Variants in PCSK6 observed in about 807,000 individuals in gnomAD.
PCSK6 encodes paired basic amino acid cleaving enzyme 4.
A neutral mutation model predicts 123.3 loss-of-function variants in PCSK6; 85 were observed. The ratio of observed to expected loss-of-function variants is 0.69; its 90% confidence interval spans 0.58 to 0.83. The LOEUF is 0.83. Ranked by LOEUF, PCSK6 falls within the 40% of genes least tolerant of loss-of-function variation. The probability of loss-of-function intolerance (pLI) is 0.00; values close to 1 mark genes in which losing one functional copy is unlikely to be tolerated. For synonymous variants in PCSK6, 508 were observed against 516.0 expected, an observed-to-expected ratio of 0.98 and a Z score of 0.21; for missense variants, 1,191 against 1,282.3, an observed-to-expected ratio of 0.93 and a Z score of 1.09.
chr15:101,420,508 A>C (rs1390213661), intron 6 of PCSK6, among the ~76,000 whole-genome samples: 1 of 151,262 alleles, frequency 6.6e-6, no homozygotes, highest in African/African-American at 2.4e-5. Flanking sequence ...CTACAAGCAC[A>C]TGCCACCATG....
At position 101,324,939 on chromosome 15, in the gene PCSK6, T is replaced by C. The variant is rs2040213905; in HGVS notation, c.2288A>G (p.Gln763Arg). 2 of 1,613,452 alleles carry C rather than the reference T, an allele frequency of 1.2e-6. No homozygotes were observed. The highest frequency in any genetic ancestry group is 8.5e-7 in the Non-Finnish European group (1 of 1,179,878). Residue 763 changes from glutamine to arginine, a missense_variant, in exon 17 of 22, where the codon CAG (glutamine) becomes CGG (arginine). Coordinates refer to ENST00000611716, the MANE Select transcript of PCSK6 (RefSeq NM_002570.5). ...CETCSSRAATQCLSCRRGFYH... is the reference protein window; with the variant it reads ...CETCSSRAATRCLSCRRGFYH... ...GAACCCGCGGCGGCAAGACAGGCAC[T>C]GCGTCGCAGCTCTGCTGGAGCAGGT...
intron 13 of PCSK6, among the ~76,000 whole-genome samples, chr15:101,348,885 G>A (rs1218561321): frequency 1.3e-5 from 2 of 152,148 alleles, no homozygotes; most frequent in African/African-American, 4.8e-5. Flanking sequence ...CAGTGTCTGC[G>A]GCAGCCTGGT....
chr15:101,366,754 G>A (rs900136608), intron 12 of PCSK6, among the ~76,000 whole-genome samples: 2 of 152,190 alleles, frequency 1.3e-5, no homozygotes, highest in African/African-American at 2.4e-5. Flanking sequence ...AGACAGGGGC[G>A]GGGGTCCCCC....
At chr15:101,412,707 ATATAT>A (rs200042293) in intron 6 of PCSK6, among the ~76,000 whole-genome samples, 2,910 of 144,522 alleles carry the variant, frequency 0.02, 194 homozygotes, top group African/African-American at 0.069. Flanking sequence ...ATATATATAT[ATATAT>A]AAAATTACCC....
At chr15:101,369,061 G>A (rs2041494591) in intron 12 of PCSK6, among the ~76,000 whole-genome samples, 2 of 152,100 alleles carry the variant, frequency 1.3e-5, no homozygotes. Context: ...TGTGGGATGG[G>A]CTGAGCTTGG....
In PCSK6 at chr15:101,398,253, G is replaced by A. The variant is rs1447475365; in HGVS notation, c.996+151C>T. 1.5e-5 allele frequency: 14 copies of A among 920,170 alleles called. No individual in the cohort carries two copies. Among genetic ancestry groups the A allele is most frequent in the Admixed American group, 2.5e-5 (1 of 39,410 alleles). 57.0% of individuals were successfully genotyped at this position (920,170 alleles called of 1,614,324 possible). Reference sequence around the variant, plus strand: ...AAGAGCCACTTCTCAGACTCCCCGAGTGACTCCTCCACACTGGCCCTGGCA... The same window carrying A: ...AAGAGCCACTTCTCAGACTCCCCGAATGACTCCTCCACACTGGCCCTGGCA... On this transcript the variant is annotated intron_variant, in intron 7 of 21. Transcript: ENST00000611716. The surrounding 1 kb of genome is among the most constrained non-coding windows in gnomAD (Gnocchi z 4.6).
At chr15:101,465,479 C>T (rs1377763473) in intron 1 of PCSK6, among the ~76,000 whole-genome samples, 1 of 152,200 alleles carries the variant, frequency 6.6e-6, no homozygotes. Flanking sequence ...TGTGCGGACA[C>T]ACCCAGGAAC....
Position 101,326,472 on chromosome 15 carries a change from G to A in PCSK6, c.2085C>T (p.Cys695=). Reference sequence around the variant, plus strand: ...AGCCTTTGTCACCACACTCCGGATGGCACACACCTTAAAGAAACAAGCATT... The same window carrying A: ...AGCCTTTGTCACCACACTCCGGATGACACACACCTTAAAGAAACAAGCATT... ...GSANILQTSV[C]HPECGDKGCD... The change falls in exon 16 of 22, where the codon TGC becomes TGT. Residue 695 remains cysteine, a synonymous_variant. Coordinates refer to ENST00000611716, the MANE Select transcript of PCSK6 (RefSeq NM_002570.5). 2 of 1,577,952 alleles carry A rather than the reference G, an allele frequency of 1.3e-6. No homozygotes were observed. Among genetic ancestry groups the A allele is most frequent in the Admixed American group, 1.8e-5 (1 of 54,862 alleles).
intron 13 of PCSK6, among the ~76,000 whole-genome samples, chr15:101,342,129 CAAAAAAAAAAAAAAAAA>C (rs35083182): frequency 1.9e-5 from 1 of 51,512 alleles, no homozygotes. Context: ...GACCCTGTCT[CAAAAAAAAAAAAAAAAA>C]AAAAAAAGAA....
At position 101,431,409 on chromosome 15, in the gene PCSK6, A is replaced by G; in HGVS notation, c.568T>C (p.Trp190Arg). The change falls in exon 4 of 22, where the codon TGG becomes CGG. Residue 190 changes from tryptophan to arginine, a missense_variant. This residue lies in a region of PCSK6 where 357 missense variants were observed against 484.5 expected (regional missense o/e 0.74). Coordinates refer to ENST00000611716, the MANE Select transcript of PCSK6 (RefSeq NM_002570.5). ...CRSEMNVQAA[W>R]KRGYTGKNVV... ...TTTTTTCCTGTGTAGCCCCTCTTCC[A>G]CGCTGCCTGGACATTCATTTCCGAC... 1 of 1,613,806 alleles carries G rather than the reference A, an allele frequency of 6.2e-7. No individual in the cohort carries two copies. Among genetic ancestry groups the G allele is most frequent in the Non-Finnish European group, 8.5e-7 (1 of 1,179,852 alleles).
chr15:101,350,737 G>A (rs913332997), intron 13 of PCSK6, among the ~76,000 whole-genome samples: 1 of 152,160 alleles, frequency 6.6e-6, no homozygotes, highest in South Asian at 2.1e-4. Context: ...GGGACGGGTG[G>A]GGAGCAGTGC....
intron 13 of PCSK6, 125 bp downstream of exon 13, chr15:101,366,071 A>T (rs760272828): frequency 1.5e-4 from 156 of 1,016,620 alleles, no homozygotes; most frequent in Admixed American, 5.2e-4. Context: ...ATTTTCTGTT[A>T]TGGGAATTCT....
intron 9 of PCSK6, among the ~76,000 whole-genome samples, chr15:101,388,044 G>A (rs780121210): frequency 6.6e-6 from 1 of 152,210 alleles, no homozygotes; most frequent in Non-Finnish European, 1.5e-5. Flanking sequence ...AGTTTAAGGG[G>A]ACAATGCGCC....
At chr15:101,418,714 T>C (rs1445675940) in intron 6 of PCSK6, among the ~76,000 whole-genome samples, 2 of 152,064 alleles carry the variant, frequency 1.3e-5, no homozygotes, top group Non-Finnish European at 2.9e-5. Context: ...GGTTTCAACA[T>C]TTTGGCCAGG....
At chr15:101,433,576 C>A (rs2056510988) in intron 2 of PCSK6, among the ~76,000 whole-genome samples, 1 of 152,206 alleles carries the variant, frequency 6.6e-6, no homozygotes, top group Non-Finnish European at 1.5e-5. Flanking sequence ...CCAAACAGGG[C>A]AGGCTGCCTG....
In PCSK6 at chr15:101,305,285, G is replaced by C; in HGVS notation, c.2883C>G (p.Cys961Trp). Residue 961 changes from cysteine (C) to tryptophan (W), a missense_variant, in exon 22 of 22, where the codon TGC (cysteine) becomes TGG (tryptophan). Transcript: ENST00000611716. The surrounding 1 kb of genome is among the most constrained non-coding windows in gnomAD (Gnocchi z 4.8). ...LCERKLFIQF[C>W]CRTCLLAG ...ACCCGGCCAGGAGGCACGTGCGGCA[G>C]CAGAACTGAATGAAGAGCTTCCGTT... 1 of 1,612,300 alleles carries C rather than the reference G, an allele frequency of 6.2e-7. No homozygotes were observed. The highest frequency in any genetic ancestry group is 8.5e-7 in the Non-Finnish European group (1 of 1,179,724).
chr15:101,365,993 G>A (rs2041375408), intron 13 of PCSK6: 4 of 504,310 alleles, frequency 7.9e-6, no homozygotes, highest in East Asian at 3.4e-5. Context: ...TAGTGCTGAC[G>A]TTTACATGAC....
intron 11 of PCSK6, among the ~76,000 whole-genome samples, chr15:101,374,134 C>T (rs572586429): frequency 6.6e-6 from 1 of 152,276 alleles, no homozygotes; most frequent in Admixed American, 6.5e-5. Flanking sequence ...AGCCACATTT[C>T]AACGTTAATT....
At chr15:101,326,907 G>C (rs534764439) in intron 15 of PCSK6, among the ~76,000 whole-genome samples, 2 of 152,212 alleles carry the variant, frequency 1.3e-5, no homozygotes, top group African/African-American at 2.4e-5. Flanking sequence ...AACACAAGAG[G>C]GGGTGCTGAG....
Sources: gnomAD v4.1 joint callset for allele counts (sites outside exome capture counted in the v4.1 genomes callset) on GRCh38, gnomAD v4.1.1 for gene constraint, gnomAD v4.1.1 regional missense constraint, Gnocchi (gnomAD v3.1) non-coding constraint, MANE v1.5 for transcripts, NCBI Gene and HGNC (gene_info 2026-07-23, HGNC 2026-07-21) for gene names.